POLG: variants seen among roughly 807,000 people sequenced by gnomAD.
POLG encodes DNA polymerase gamma, catalytic subunit, also known as DNA polymerase subunit gamma-1.
A neutral mutation model predicts 155.4 loss-of-function variants in POLG; 110 were observed. The observed-to-expected ratio is 0.71, with a 90% confidence interval of 0.61 to 0.83. The LOEUF (loss-of-function observed/expected upper bound fraction) is 0.83. Ranked by LOEUF, POLG falls within the 40% of genes least tolerant of loss-of-function variation. The pLI, the probability that POLG is intolerant of heterozygous loss-of-function variation, is 0.00. For missense variants in POLG, 1,685 were observed against 1,627.5 expected (o/e 1.04, Z -0.61); for synonymous variants, 701 against 631.5 (o/e 1.11, Z -1.65).
intron 10 of POLG, among the ~76,000 whole-genome samples, chr15:89,325,161 AGTGAGTGAGAGAGTGAGAGAGT>A (rs2055480101): frequency 2.0e-5 from 2 of 98,542 alleles, no homozygotes; most frequent in African/African-American, 8.1e-5. Flanking sequence ...TGAGTGAGTG[AGTGAGTGAGAGAGTGAGAGAGT>A]GAGTGAGTGA....
intron 13 of POLG, 141 bp from the exon 14 acceptor site, chr15:89,323,043 G>A (rs981257077): frequency 1.0e-5 from 7 of 673,744 alleles, no homozygotes; most frequent in South Asian, 7.2e-5. Context: ...TATCACGCAC[G>A]CGCGCACGCG....
At chr15:89,331,934 G>C (rs1182270855) in intron 2 of POLG, among the ~76,000 whole-genome samples, 1 of 152,210 alleles carries the variant, frequency 6.6e-6, no homozygotes, top group African/African-American at 2.4e-5. Flanking sequence ...GGAGGGAAAG[G>C]AGAGGTAAAA....
At chr15:89,325,107 A>AGAGAGAGAGT (rs2055469435) in intron 10 of POLG, among the ~76,000 whole-genome samples, 2 of 36,618 alleles carry the variant, frequency 5.5e-5, no homozygotes, top group African/African-American at 4.6e-4. Context: ...TGAGAGAGTG[A>AGAGAGAGAGT]GAGAGAGTGA....
Position 89,333,453 on chromosome 15 carries a change from C to G in POLG, c.302G>C (p.Arg101Pro). ...GGEMPGEAAV[R>P]RSVEHLQKHG... ...CTTCTGCAGGTGCTCGACGCTGCGGCGCACCGCGGCCTCGCCAGGCATCTC... is the reference window on the plus strand; with the variant it reads ...CTTCTGCAGGTGCTCGACGCTGCGGGGCACCGCGGCCTCGCCAGGCATCTC... Residue 101 changes from arginine (R) to proline (P), a missense_variant, in exon 2 of 23, where the codon CGC becomes CCC. Arg to Pro is a moderately radical substitution (Grantham distance 103, BLOSUM62 -2). Coordinates refer to ENST00000268124, the MANE Select transcript of POLG (RefSeq NM_002693.3). The G allele has an allele frequency of 6.2e-7, 1 of 1,610,572 alleles. No homozygotes were observed. The highest frequency in any genetic ancestry group is 8.5e-7 in the Non-Finnish European group (1 of 1,179,656).
chr15:89,328,327 C>T, intron 6 of POLG, 129 bp downstream of exon 6: 4 of 748,434 alleles, frequency 5.3e-6, no homozygotes, highest in Non-Finnish European at 7.2e-6. Context: ...AACAGAAGGG[C>T]TCCATTCTTT....
intron 5 of POLG, 64 bp downstream of exon 5, chr15:89,328,621 C>G: frequency 6.2e-7 from 1 of 1,604,938 alleles, no homozygotes; most frequent in Non-Finnish European, 8.5e-7. Flanking sequence ...GCAGCTGCAT[C>G]TCCCCAAGTG....
Position 89,324,107 on chromosome 15 carries a change from C to A in POLG, c.2070G>T (p.Thr690=), listed in dbSNP as rs781368679. 1.9e-6 allele frequency: 3 copies of A among 1,614,022 alleles called. No homozygotes were observed. The highest frequency in any genetic ancestry group is 2.5e-6 in the Non-Finnish European group (3 of 1,180,042). Residue 690 remains threonine (T), a splice_region_variant and synonymous_variant, in exon 11 of 23, where the codon ACG becomes ACT. Coordinates refer to ENST00000268124, the MANE Select transcript of POLG (RefSeq NM_002693.3). The part of the protein sequence containing the change: ...LLTDNSAIWQ[T]VEELDYLEVE... ...GCTCAGGTTCAGAGCCTGCCCTCAC[C>A]GTTTGCCATATGGCACTATTGTCAG...
At position 89,316,786 on chromosome 15, in the gene POLG, C is replaced by T. The variant is rs2055281362; in HGVS notation, c.3685G>A (p.Gly1229Ser). The T allele has an allele frequency of 1.9e-6, 3 of 1,613,904 alleles. No individual in the cohort carries two copies. The highest frequency in any genetic ancestry group is 2.7e-5 in the African/African-American group (2 of 74,896). Residue 1229 changes from glycine to serine, a missense_variant, in exon 23 of 23, where the codon GGC (glycine) becomes AGC (serine). Coordinates refer to ENST00000268124, the MANE Select transcript of POLG (RefSeq NM_002693.3). ...GGCTGGCTTCGTTTTTCCAAGGAGC[C>T]TTTGGTGAGTTCAATTATCTGGTAA... ...DIYQIIELTK[G>S]SLEKRSQPGP
In POLG at chr15:89,333,897, G is replaced by A; in HGVS notation, c.-143C>T. On this transcript the variant is annotated 5_prime_UTR_variant, in exon 2 of 23. Coordinates refer to ENST00000268124, the MANE Select transcript of POLG (RefSeq NM_002693.3). ...CAGTGAAATGGGTTTGACCATGCCT[G>A]CCTTCCACCCCAAATCCTAAAGGAG... 1.1e-6 allele frequency: 1 copy of A among 908,612 alleles called. No homozygotes were observed. The highest frequency in any genetic ancestry group is 1.7e-6 in the Non-Finnish European group (1 of 590,474). 56.3% of individuals were successfully genotyped at this position (908,612 alleles called of 1,614,324 possible).
chr15:89,332,452 A>C (rs920462920), intron 2 of POLG: 2 of 152,196 alleles, frequency 1.3e-5, no homozygotes, highest in Non-Finnish European at 1.5e-5. Context: ...AGCACTTAGA[A>C]AGTTATTTAA....
At position 89,320,192 on chromosome 15, in the gene POLG, G is replaced by A. The variant is rs531104847; in HGVS notation, c.2981+574C>T. Among the ~76,000 whole-genome samples the A allele has an allele frequency of 9.8e-5, 15 of 152,326 alleles. 1 individual carries two copies. The South Asian group carries it at 2.7e-3, about 27-fold the overall frequency. On this transcript the variant is annotated intron_variant, in intron 18 of 22. Transcript: ENST00000268124. ...CACAATGAGCCAGCTAATTAAATGT[G>A]GACAGTGTACTGTACCTCAGGAAGT...
At chr15:89,317,771 TTC>T in intron 21 of POLG, 1 of 556,670 alleles carries the variant, frequency 1.8e-6, no homozygotes, top group Non-Finnish European at 3.2e-6. Flanking sequence ...TTTTTTTTTT[TTC>T]CCAGTTTGGT....
chr15:89,318,818 C>A, intron 20 of POLG, 69 bp from the exon 21 acceptor site: 1 of 1,555,858 alleles, frequency 6.4e-7, no homozygotes, highest in Non-Finnish European at 8.9e-7. Context: ...GGGTAGAAGC[C>A]CCAAGAGAAG....
rs1422899388 is a variant in POLG, at chr15:89,333,688, C to G, written c.67G>C (p.Gly23Arg). 3 of 1,544,718 alleles carry G rather than the reference C, an allele frequency of 1.9e-6. No individual in the cohort carries two copies. Among genetic ancestry groups the G allele is most frequent in the Non-Finnish European group, 2.6e-6 (3 of 1,150,864 alleles). ...GGGACGGAGCTGGAGACCCAGCGCC[C>G]CGGAGCTGGAACCGGCCCTGGCCCG... ...TVGPGPVPAP[G>R]RWVSSSVPAS... The change falls in exon 2 of 23, where the codon GGG (glycine) becomes CGG (arginine). Residue 23 changes from glycine (G) to arginine (R), a missense_variant. Physicochemically the swap from Gly to Arg is moderately radical, Grantham distance 125. Around this residue, in one of 3 missense-constraint regions of POLG, gnomAD observed 1,210 missense variants for 1,167.1 expected, o/e 1.04. Transcript: ENST00000268124.
At chr15:89,332,967 A>T in intron 2 of POLG, 129 bp downstream of exon 2, 1 of 1,263,778 alleles carries the variant, frequency 7.9e-7, no homozygotes, top group Non-Finnish European at 1.1e-6. Context: ...GTCTAGTCCT[A>T]ATTCAACACA....
At chr15:89,318,110 AAC>A (rs1422057365) in intron 21 of POLG, 20 of 194,192 alleles carry the variant, frequency 1.0e-4, no homozygotes, top group African/African-American at 4.8e-4. Context: ...TGTCCCCATT[AAC>A]AGTGTTTTCT....
intron 9 of POLG, 62 bp downstream of exon 9, chr15:89,326,550 C>G: frequency 6.3e-7 from 1 of 1,589,432 alleles, no homozygotes; most frequent in Non-Finnish European, 8.6e-7. Context: ...CAGACCAGGG[C>G]TGTCCTGAGA....
rs373628823 is a variant in POLG, at chr15:89,319,201, C to T, written c.3104+27G>A. On this transcript the variant is annotated intron_variant, in intron 19 of 22. Transcript: ENST00000268124. The stretch of plus-strand genomic sequence containing the variant: ...TGGGGCAAGCCCAGACCCCTCCCTC[C>T]ATCCTTAACACAAAGAAGGTTCTTA... 2.0e-5 allele frequency: 33 copies of T among 1,614,080 alleles called. No individual in the cohort carries two copies. The African/African-American group carries it at 4.1e-4, about 20-fold the overall frequency.
At position 89,326,876 on chromosome 15, in the gene POLG, C is replaced by A. The variant is rs370867233; in HGVS notation, c.1585+36G>T. 4.3e-6 allele frequency: 7 copies of A among 1,609,430 alleles called. No homozygotes were observed. In the African/African-American group the frequency reaches 6.7e-5, roughly 15 times the overall value. ...ATCACAGGACCTTCCCAGAGACAAC[C>A]CCTACCCTACCCTACCTCCCACCCA... is the stretch of plus-strand genomic sequence containing the variant. On this transcript the variant is annotated intron_variant, in intron 8 of 22. Transcript: ENST00000268124.
Sources: gnomAD v4.1 joint callset for allele counts (sites outside exome capture counted in the v4.1 genomes callset) on GRCh38, gnomAD v4.1.1 for gene constraint, gnomAD v4.1.1 regional missense constraint, MANE v1.5 for transcripts, NCBI Gene and HGNC (gene_info 2026-07-23, HGNC 2026-07-21) for gene names.